PXDNL: variants seen among roughly 807,000 people sequenced by gnomAD.
PXDNL encodes the protein peroxidasin like.
A neutral mutation model predicts 150.8 loss-of-function variants in PXDNL; 145 were observed. The ratio of observed to expected loss-of-function variants is 0.96; its 90% CI spans 0.84 to 1.10. The LOEUF is 1.10. Ranked by LOEUF, PXDNL falls within the 50% of genes least tolerant of loss-of-function variation. The pLI is 0.00. For missense variants in PXDNL, 2,087 were observed against 1,873.9 expected, an observed-to-expected ratio of 1.11 and a Z score of -2.10; for synonymous variants, 757 against 725.7, an observed-to-expected ratio of 1.04 and a Z score of -0.69.
chr8:51,537,236 G>A (rs1812098351), intron 4 of PXDNL, among the ~76,000 whole-genome samples: 1 of 152,178 alleles, frequency 6.6e-6, no homozygotes, highest in Non-Finnish European at 1.5e-5. Context: ...CACCGTGAAT[G>A]TGGGCAGGCA....
At chr8:51,507,751 G>A (rs1274755296) in intron 4 of PXDNL, among the ~76,000 whole-genome samples, 1 of 152,174 alleles carries the variant, frequency 6.6e-6, no homozygotes, top group Non-Finnish European at 1.5e-5. Flanking sequence ...GATGCTTTTA[G>A]TTGTCGCAGC....
chr8:51,358,394 C>T (rs2130741787), intron 19 of PXDNL, among the ~76,000 whole-genome samples: 1 of 152,304 alleles, frequency 6.6e-6, no homozygotes, highest in African/African-American at 2.4e-5. Context: ...GAACTGAATT[C>T]CAGGTCACCC....
chr8:51,350,716 G>A (rs1806327071), intron 19 of PXDNL, among the ~76,000 whole-genome samples: 1 of 152,114 alleles, frequency 6.6e-6, no homozygotes, highest in Non-Finnish European at 1.5e-5. Flanking sequence ...CAAGGAAAAG[G>A]GAGCAGGAAC....
intron 1 of PXDNL, among the ~76,000 whole-genome samples, chr8:51,767,736 G>A (rs1020782417): frequency 6.6e-6 from 1 of 152,186 alleles, no homozygotes; most frequent in African/African-American, 2.4e-5. Flanking sequence ...GCCTGCTACA[G>A]GTGTTTCGTT....
intron 1 of PXDNL, among the ~76,000 whole-genome samples, chr8:51,804,858 C>A (rs2129265723): frequency 6.6e-6 from 1 of 152,168 alleles, no homozygotes; most frequent in East Asian, 1.9e-4. Flanking sequence ...GGATGACTCC[C>A]AAGTCTCCAG....
intron 8 of PXDNL, among the ~76,000 whole-genome samples, chr8:51,468,541 A>C (rs1195234900): frequency 6.6e-6 from 1 of 151,926 alleles, no homozygotes; most frequent in Non-Finnish European, 1.5e-5. Context: ...TTTAAAATTC[A>C]ATATTATGTC....
chr8:51,727,022 A>G (rs1489616712), intron 1 of PXDNL, among the ~76,000 whole-genome samples: 1 of 152,202 alleles, frequency 6.6e-6, no homozygotes, highest in Non-Finnish European at 1.5e-5. Flanking sequence ...CATGGCCAAG[A>G]GTGTGAAGCA....
At chr8:51,638,352 A>G (rs1023839422) in intron 2 of PXDNL, among the ~76,000 whole-genome samples, 74 of 152,214 alleles carry the variant, frequency 4.9e-4, no homozygotes, top group African/African-American at 1.7e-3. Flanking sequence ...ACATAACAAT[A>G]TTAACCTTCA....
intron 4 of PXDNL, among the ~76,000 whole-genome samples, chr8:51,526,263 A>G (rs914789319): frequency 1.3e-5 from 2 of 152,134 alleles, no homozygotes; most frequent in Non-Finnish European, 2.9e-5. Context: ...AGACGGCATA[A>G]CAGAGCATAT....
At chr8:51,504,168 C>A (rs1811240350) in intron 4 of PXDNL, among the ~76,000 whole-genome samples, 1 of 152,310 alleles carries the variant, frequency 6.6e-6, no homozygotes, top group East Asian at 1.9e-4. Context: ...CACACTAGAG[C>A]AAACTATACC....
chr8:51,697,307 G>A (rs1165774650), intron 1 of PXDNL, among the ~76,000 whole-genome samples: 3 of 151,912 alleles, frequency 2.0e-5, no homozygotes, highest in Middle Eastern at 3.2e-3. Flanking sequence ...CTGTTTTTGC[G>A]GGGTGGGGGT....
chr8:51,642,239 G>A (rs1461098936), intron 2 of PXDNL, among the ~76,000 whole-genome samples: 1 of 151,826 alleles, frequency 6.6e-6, no homozygotes, highest in Non-Finnish European at 1.5e-5. Context: ...ATAGCATTAG[G>A]AGATATACCT....
At chr8:51,679,784 G>T (rs544237403) in intron 1 of PXDNL, among the ~76,000 whole-genome samples, 1 of 152,218 alleles carries the variant, frequency 6.6e-6, no homozygotes, top group South Asian at 2.1e-4. Flanking sequence ...CAGAACAATG[G>T]CCTGATAAGT....
chr8:51,506,950 G>A (rs950240461), intron 4 of PXDNL, among the ~76,000 whole-genome samples: 5 of 152,144 alleles, frequency 3.3e-5, no homozygotes, highest in African/African-American at 4.8e-5. Flanking sequence ...GTGTCTAACA[G>A]TCAAAGTGTT....
intron 19 of PXDNL, among the ~76,000 whole-genome samples, chr8:51,370,886 C>T (rs143484490): frequency 4.5e-4 from 68 of 152,350 alleles, no homozygotes; most frequent in African/African-American, 1.5e-3. Context: ...CGTGAGCCTC[C>T]GCACCCGGCC....
At chr8:51,742,514 T>C (rs1052260454) in intron 1 of PXDNL, among the ~76,000 whole-genome samples, 5 of 152,050 alleles carry the variant, frequency 3.3e-5, no homozygotes, top group Non-Finnish European at 5.9e-5. Flanking sequence ...GTGACTGGTA[T>C]ACAAGATCTC....
At position 51,408,251 on chromosome 8, in the gene PXDNL, T is replaced by A. The variant is rs763593608; in HGVS notation, c.3373A>T (p.Arg1125Trp). 6.2e-7 allele frequency: 1 copy of A among 1,613,982 alleles called. No homozygotes were observed. Among genetic ancestry groups the A allele is most frequent in the Non-Finnish European group, 8.5e-7 (1 of 1,179,892 alleles). Residue 1125 changes from arginine to tryptophan, a missense_variant, in exon 17 of 23, where the codon AGG becomes TGG. By Grantham distance (101) the Arg-to-Trp change is moderately radical. Transcript: ENST00000356297. ...GCAGAATAAGCCGCGGAGAAGAGCC[T>A]CTGGGTCAGCTCAGGACTGAGAAGG... ...SYLLSPELTQRLFSAAYSAAV... is the reference protein window; with the variant it reads ...SYLLSPELTQWLFSAAYSAAV...
At chr8:51,594,382 G>A (rs1447270370) in intron 2 of PXDNL, among the ~76,000 whole-genome samples, 1 of 152,138 alleles carries the variant, frequency 6.6e-6, no homozygotes, top group Non-Finnish European at 1.5e-5. Flanking sequence ...TACAAAAGGT[G>A]TCTTTGGGCA....
chr8:51,667,411 C>T (rs1815407628), intron 1 of PXDNL, among the ~76,000 whole-genome samples: 2 of 152,304 alleles, frequency 1.3e-5, no homozygotes, highest in East Asian at 1.9e-4. Flanking sequence ...TAGTTTTACA[C>T]GTGATGTAAA....
Sources: gnomAD v4.1 joint callset for allele counts (sites outside exome capture counted in the v4.1 genomes callset) on GRCh38, gnomAD v4.1.1 for gene constraint, MANE v1.5 for transcripts, NCBI Gene and HGNC (gene_info 2026-07-23, HGNC 2026-07-21) for gene names.